The following LRCH1 variants were observed in gnomAD, a reference collection of about 807,000 sequenced individuals.
The protein encoded by LRCH1 is leucine rich repeats and calponin homology domain containing 1.
A neutral mutation model predicts 94.9 loss-of-function variants in LRCH1; 23 were observed. The ratio of observed to expected loss-of-function variants is 0.24; its 90% CI spans 0.17 to 0.34. The LOEUF (loss-of-function observed/expected upper bound fraction) is 0.34. Ranked by LOEUF, LRCH1 falls within the 10% of genes least tolerant of loss-of-function variation. The pLI is 1.00. For missense variants in LRCH1, 790 were observed against 945.9 expected (o/e 0.84, Z 2.16); for synonymous variants, 364 against 354.9 (o/e 1.03, Z -0.29).
chr13:46,582,370 C>CTTTT (rs10686269), intron 1 of LRCH1, among the ~76,000 whole-genome samples: 2,896 of 79,250 alleles, frequency 0.037, 78 homozygotes, highest in East Asian at 0.045. Flanking sequence ...TTGCTCTCAT[C>CTTTT]TTTTTTTTTT....
At chr13:46,737,423 T>G (rs895160359) in intron 19 of LRCH1, among the ~76,000 whole-genome samples, 1 of 152,184 alleles carries the variant, frequency 6.6e-6, no homozygotes, top group Non-Finnish European at 1.5e-5. Context: ...TAAGCCCACT[T>G]TTTACAGTAG....
intron 19 of LRCH1, among the ~76,000 whole-genome samples, chr13:46,735,151 G>C (rs113065435): frequency 9.4e-6 from 1 of 105,964 alleles, no homozygotes; most frequent in East Asian, 2.1e-4. Flanking sequence ...ATTTTTTAAA[G>C]AGTGTAAATT....
At position 46,689,810 on chromosome 13, in the gene LRCH1, C is replaced by CA. The variant is rs573869234; in HGVS notation, c.1014+615dup. 6.6e-5 allele frequency among the ~76,000 whole-genome samples: 10 copies of CA among 152,234 alleles called. No individual in the cohort carries two copies. The East Asian group carries it at 1.7e-3, about 26-fold the overall frequency. On this transcript the variant is annotated intron_variant, in intron 7 of 19. Coordinates refer to ENST00000389797, the MANE Select transcript of LRCH1 (RefSeq NM_001164211.2). ...AGAACTTCCTATAGTGGTTATAAAT[C>CA]ATGCTTTGATAACTGATTTATTATC...
chr13:46,605,981 C>T (rs2050682421), intron 1 of LRCH1, among the ~76,000 whole-genome samples: 1 of 152,178 alleles, frequency 6.6e-6, no homozygotes, highest in African/African-American at 2.4e-5. Context: ...CATGAAGTGA[C>T]TTCTCCAAGG....
intron 1 of LRCH1, among the ~76,000 whole-genome samples, chr13:46,649,013 A>G (rs2051258604): frequency 6.6e-6 from 1 of 152,174 alleles, no homozygotes; most frequent in Non-Finnish European, 1.5e-5. Flanking sequence ...TGTTCTTTGC[A>G]GGGACATGGA....
At chr13:46,714,030 T>A (rs1335031405) in intron 15 of LRCH1, among the ~76,000 whole-genome samples, 1 of 152,264 alleles carries the variant, frequency 6.6e-6, no homozygotes, top group African/African-American at 2.4e-5. Context: ...ACTTTTTTAT[T>A]CTTTTTATAG....
At chr13:46,692,486 T>TACATTGATA in intron 7 of LRCH1, 50 bp from the exon 8 acceptor site, 1 of 1,266,192 alleles carries the variant, frequency 7.9e-7, no homozygotes, top group East Asian at 2.3e-5. Flanking sequence ...TCTCCTTATC[T>TACATTGATA]ACATTGATAA....
intron 2 of LRCH1, among the ~76,000 whole-genome samples, chr13:46,656,745 C>T (rs936846860): frequency 6.6e-6 from 1 of 152,182 alleles, no homozygotes; most frequent in East Asian, 1.9e-4. Flanking sequence ...CAAGGTGGAA[C>T]CCGTAGCCAA....
At position 46,571,076 on chromosome 13, in the gene LRCH1, A is replaced by G. The variant is rs892845250; in HGVS notation, c.307+17373A>G. Among the ~76,000 whole-genome samples the G allele has an allele frequency of 4.6e-5, 7 of 152,296 alleles. No homozygotes were observed. The South Asian group carries it at 1.2e-3, about 27-fold the overall frequency. On this transcript the variant is annotated intron_variant, in intron 1 of 19. Transcript: ENST00000389797. ...AGTGCTGAAATTCACCCTAGAGTTT[A>G]CCCTTCAAAGTAACTAGGCATTAAA...
In LRCH1 at chr13:46,689,211, C is replaced by G. The variant is rs1442942379; in HGVS notation, c.1014+15C>G. ...CTGCCACCGAGGTAAAGTTAGTGAT[C>G]AGATTCTTTTCCTTCTGTACTTCTA... is the stretch of plus-strand genomic sequence containing the variant. On this transcript the variant is annotated intron_variant, in intron 7 of 19. Coordinates refer to ENST00000389797, the MANE Select transcript of LRCH1 (RefSeq NM_001164211.2). 4.4e-6 allele frequency: 7 copies of G among 1,605,190 alleles called. No homozygotes were observed. The highest frequency in any genetic ancestry group is 6.0e-6 in the Non-Finnish European group (7 of 1,173,544).
At chr13:46,713,113 T>C (rs113429622) in intron 15 of LRCH1, among the ~76,000 whole-genome samples, 1,761 of 152,368 alleles carry the variant, frequency 0.012, 21 homozygotes, top group African/African-American at 0.04. Flanking sequence ...TCTGCTTATA[T>C]TACCAATTTT....
At chr13:46,572,056 C>T (rs1002838914) in intron 1 of LRCH1, among the ~76,000 whole-genome samples, 5 of 152,152 alleles carry the variant, frequency 3.3e-5, no homozygotes, top group Admixed American at 6.5e-5. Flanking sequence ...TCTGTCTCTG[C>T]CACTACTCTG....
chr13:46,726,325 G>A (rs144823186), intron 17 of LRCH1, among the ~76,000 whole-genome samples: 4 of 152,288 alleles, frequency 2.6e-5, no homozygotes, highest in South Asian at 4.1e-4. Context: ...CTTGAGGGGC[G>A]CCATAGTGAT....
At chr13:46,591,060 A>G (rs2050494540) in intron 1 of LRCH1, among the ~76,000 whole-genome samples, 1 of 151,938 alleles carries the variant, frequency 6.6e-6, no homozygotes, top group Admixed American at 6.6e-5. Flanking sequence ...AGCTCAGAAT[A>G]TCGGTGAGAC....
chr13:46,717,871 T>C (rs547957217), intron 16 of LRCH1, among the ~76,000 whole-genome samples: 1 of 152,320 alleles, frequency 6.6e-6, no homozygotes, highest in South Asian at 2.1e-4. Context: ...AAACTTATTC[T>C]TCAAACAGAT....
chr13:46,602,962 G>GCATACATGCATGCATGCATGCATA (rs2050644629), intron 1 of LRCH1, among the ~76,000 whole-genome samples: 2 of 120,044 alleles, frequency 1.7e-5, no homozygotes, highest in Non-Finnish European at 3.4e-5. Flanking sequence ...ATACATACAT[G>GCATACATGCATGCATGCATGCATA]CATACATACA....
chr13:46,555,918 G>A (rs769208276), intron 1 of LRCH1, among the ~76,000 whole-genome samples: 1 of 152,206 alleles, frequency 6.6e-6, no homozygotes, highest in Non-Finnish European at 1.5e-5. Context: ...TTATTTGAGA[G>A]ACCAGAAAGC....
At chr13:46,737,561 A>G (rs1036632489) in intron 19 of LRCH1, among the ~76,000 whole-genome samples, 2 of 152,230 alleles carry the variant, frequency 1.3e-5, no homozygotes. Flanking sequence ...CTTAGTGGTC[A>G]GACTTTGTAG....
At chr13:46,726,862 CAAAAAAA>C (rs71077918) in intron 17 of LRCH1, among the ~76,000 whole-genome samples, 18 of 78,020 alleles carry the variant, frequency 2.3e-4, no homozygotes, top group African/African-American at 9.3e-4. Flanking sequence ...AGAGCAGTGT[CAAAAAAA>C]AAAAAAAAAA....
Sources: allele counts gnomAD v4.1 joint callset (sites outside exome capture counted in the v4.1 genomes callset), GRCh38; gene constraint gnomAD v4.1.1; transcripts MANE v1.5; gene names NCBI Gene and HGNC (gene_info 2026-07-23, HGNC 2026-07-21).